STAB2: variants seen among roughly 807,000 people sequenced by gnomAD.
STAB2 encodes the protein stabilin-2.
Under a neutral mutation model 338.1 loss-of-function variants are expected in STAB2, and 288 were observed. That is an observed-to-expected ratio of 0.85 (90% CI 0.77 to 0.94). The LOEUF is 0.94. Ranked by LOEUF, STAB2 falls within the 40% of genes least tolerant of loss-of-function variation. The probability of loss-of-function intolerance (pLI) is 0.00; values close to 1 mark genes in which losing one functional copy is unlikely to be tolerated. For missense variants in STAB2, 3,141 were observed against 3,210.1 expected (o/e 0.98, Z 0.52); for synonymous variants, 1,202 against 1,193.3 (o/e 1.01, Z -0.15).
intron 19 of STAB2, among the ~76,000 whole-genome samples, chr12:103,668,232 G>A (rs1875351955): frequency 6.6e-6 from 1 of 152,216 alleles, no homozygotes; most frequent in South Asian, 2.1e-4. Flanking sequence ...TCACAATTTT[G>A]TTTGGCAAAC....
chr12:103,750,548 T>G, intron 59 of STAB2, 31 bp from the exon 60 acceptor site: 1 of 1,610,768 alleles, frequency 6.2e-7, no homozygotes, highest in African/African-American at 1.3e-5. Flanking sequence ...GAGAAGGAAC[T>G]TTTTCATCTC....
chr12:103,604,955 C>G (rs953736165), intron 3 of STAB2, among the ~76,000 whole-genome samples: 32 of 141,330 alleles, frequency 2.3e-4, no homozygotes, highest in African/African-American at 8.6e-4. Flanking sequence ...AAACTTTCTT[C>G]TTTTCTCATA....
At chr12:103,762,679 G>A (rs7962362) in intron 67 of STAB2, among the ~76,000 whole-genome samples, 9,540 of 152,216 alleles carry the variant, frequency 0.063, 1,014 homozygotes, top group African/African-American at 0.22. Flanking sequence ...CAGGGGTTTG[G>A]CCTGGAGGCA....
At position 103,705,613 on chromosome 12, in the gene STAB2, A is replaced by C. The variant is rs573631177; in HGVS notation, c.3901-19A>C. ...TTTTTCCTAACTTAGGAGCTGACGT[A>C]GTCATTAATATTTCACAGGGTAATG... On this transcript the variant is annotated intron_variant, in intron 36 of 68. Transcript: ENST00000388887. The C allele has an allele frequency of 1.2e-6, 2 of 1,610,974 alleles. No homozygotes were observed. Among genetic ancestry groups the C allele is most frequent in the East Asian group, 4.5e-5 (2 of 44,874 alleles).
intron 3 of STAB2, among the ~76,000 whole-genome samples, chr12:103,602,549 T>C (rs534225990): frequency 2.6e-5 from 4 of 152,226 alleles, no homozygotes; most frequent in African/African-American, 9.6e-5. Flanking sequence ...ACTGCCAAAC[T>C]GTTTTCCAAA....
chr12:103,695,986 C>G (rs979902468), intron 33 of STAB2, 142 bp downstream of exon 33: 4 of 777,530 alleles, frequency 5.1e-6, no homozygotes, highest in Middle Eastern at 3.2e-4. Flanking sequence ...TGCAGAGACT[C>G]TCTCATACAC....
intron 43 of STAB2, 115 bp downstream of exon 43, chr12:103,716,003 A>G: frequency 9.0e-7 from 1 of 1,112,868 alleles, no homozygotes; most frequent in Non-Finnish European, 1.3e-6. Flanking sequence ...TGCAGCTGAA[A>G]ATAAATACTT....
rs545722368 is a variant in STAB2 at position 103,699,232 on chromosome 12, G to A, written c.3714+5G>A. On this transcript the variant is annotated splice_donor_5th_base_variant and intron_variant, in intron 34 of 68. Transcript: ENST00000388887. ...TTCTTTCTCCATAATGACCAGGTAC[G>A]ATCCTTTTATGTAAAACCCCAGCAA... 54 of 1,606,312 alleles carry A rather than the reference G, an allele frequency of 3.4e-5. No homozygotes were observed. The highest frequency in any genetic ancestry group is 2.2e-4 in the South Asian group (20 of 90,676).
Position 103,695,791 on chromosome 12 carries a change from C to T in STAB2, c.3529C>T (p.Pro1177Ser). The T allele has an allele frequency of 6.2e-7, 1 of 1,614,146 alleles. No homozygotes were observed. The highest frequency in any genetic ancestry group is 1.1e-5 in the South Asian group (1 of 91,066). ...EAADAYTVFAPNNNAIENYIR... is the reference protein window; with the variant it reads ...EAADAYTVFASNNNAIENYIR... ...TGCCGATGCCTACACAGTGTTTGCT[C>T]CAAACAACAATGCCATCGAGAATTA... The change falls in exon 33 of 69, where the codon CCA becomes TCA. Residue 1177 changes from proline to serine, a missense_variant. Coordinates refer to ENST00000388887, the MANE Select transcript of STAB2 (RefSeq NM_017564.10).
intron 36 of STAB2, 73 bp downstream of exon 36, chr12:103,704,687 A>G: frequency 7.5e-7 from 1 of 1,334,966 alleles, no homozygotes; most frequent in Non-Finnish European, 1.1e-6. Context: ...GAACCTCAAG[A>G]TTATGTGATT....
At chr12:103,608,109 G>T (rs149680153) in intron 3 of STAB2, among the ~76,000 whole-genome samples, 1 of 152,136 alleles carries the variant, frequency 6.6e-6, no homozygotes, top group Admixed American at 6.5e-5. Flanking sequence ...TCTCGTTGTG[G>T]TTTTGATTTG....
rs1406252643 is a variant in STAB2, at chr12:103,587,480, A to G, written c.4A>G (p.Met2Val). M[M>V]LQHLVIFCLG... The stretch of plus-strand genomic sequence containing the variant: ...GAGAAGGAGCAAATATTTCCTCATG[A>G]TGCTACAACATTTAGTAATTTTTTG... The change falls in exon 1 of 69, where the codon ATG (methionine) becomes GTG (valine). Residue 2 changes from methionine to valine, a missense_variant. Met to Val is a conservative substitution (Grantham distance 21). Transcript: ENST00000388887. 1.9e-6 allele frequency: 3 copies of G among 1,613,498 alleles called. No individual in the cohort carries two copies. In the East Asian group the frequency reaches 6.7e-5, roughly 36 times the overall value.
chr12:103,754,764 T>C (rs1160734397), intron 61 of STAB2, among the ~76,000 whole-genome samples: 4 of 152,006 alleles, frequency 2.6e-5, no homozygotes, highest in Non-Finnish European at 5.9e-5. Flanking sequence ...AGCCTGATCA[T>C]GGAGAAACCC....
At chr12:103,748,858 T>C (rs1320966917) in intron 58 of STAB2, 105 bp from the exon 59 acceptor site, 1 of 1,223,754 alleles carries the variant, frequency 8.2e-7, no homozygotes, top group African/African-American at 1.5e-5. Flanking sequence ...CAGGGGCCCA[T>C]TTACTCACCC....
At chr12:103,740,022 T>A (rs1882459734) in intron 54 of STAB2, among the ~76,000 whole-genome samples, 1 of 152,204 alleles carries the variant, frequency 6.6e-6, no homozygotes, top group Admixed American at 6.5e-5. Context: ...TCAAATTCCA[T>A]AATCTTTGAC....
At chr12:103,679,165 T>A (rs831424) in intron 25 of STAB2, among the ~76,000 whole-genome samples, 18 of 152,004 alleles carry the variant, frequency 1.2e-4, no homozygotes, top group African/African-American at 4.3e-4. Flanking sequence ...CACCTGAGAT[T>A]GGGAGTTCGA....
At chr12:103,697,934 T>C (rs565933116) in intron 33 of STAB2, among the ~76,000 whole-genome samples, 1 of 152,310 alleles carries the variant, frequency 6.6e-6, no homozygotes, top group East Asian at 1.9e-4. Flanking sequence ...AGGGTCTCTG[T>C]GGGTCTGAGA....
intron 63 of STAB2, 67 bp downstream of exon 63, chr12:103,755,785 G>C (rs1884060550): frequency 9.4e-6 from 14 of 1,484,742 alleles, no homozygotes; most frequent in Non-Finnish European, 9.4e-7. Context: ...GTATTAGAGG[G>C]GTGAGGCCTT....
At position 103,673,923 on chromosome 12, in the gene STAB2, C is replaced by A; in HGVS notation, c.2388C>A (p.His796Gln). The A allele has an allele frequency of 6.2e-7, 1 of 1,612,720 alleles. No homozygotes were observed. The highest frequency in any genetic ancestry group is 8.5e-7 in the Non-Finnish European group (1 of 1,178,992). ...PRCNKKCLCV[H>Q]GTCNNRIDSD... ...CTCTTTCAGAATGCCTGTGCGTTCACGGAACATGCAATAACAGGATAGACA... is the reference window on the plus strand; with the variant it reads ...CTCTTTCAGAATGCCTGTGCGTTCAAGGAACATGCAATAACAGGATAGACA... The change falls in exon 23 of 69, where the codon CAC (histidine) becomes CAA (glutamine). Residue 796 changes from histidine (H) to glutamine (Q), a missense_variant. Physicochemically the swap from His to Gln is conservative, Grantham distance 24 (BLOSUM62 0). Transcript: ENST00000388887.
Sources: gnomAD v4.1 joint callset for allele counts (sites outside exome capture counted in the v4.1 genomes callset) on GRCh38, gnomAD v4.1.1 for gene constraint, MANE v1.5 for transcripts, NCBI Gene and HGNC (gene_info 2026-07-23, HGNC 2026-07-21) for gene names.